The following MARCHF7 variants were observed in gnomAD, a reference collection of about 807,000 sequenced individuals.
MARCHF7 encodes the protein E3 ubiquitin-protein ligase MARCHF7.
MARCHF7 carries 20 observed loss-of-function variants against 76.5 expected under a neutral mutation model. The ratio of observed to expected loss-of-function variants is 0.26; its 90% confidence interval spans 0.18 to 0.38. MARCHF7 has a LOEUF of 0.38. MARCHF7 is among the 10% of genes least tolerant of loss of function. The pLI, the probability that MARCHF7 is intolerant of heterozygous loss-of-function variation, is 1.00. For synonymous variants in MARCHF7, 295 were observed against 293.0 expected (o/e 1.01, Z -0.07); for missense variants, 797 against 812.9 (o/e 0.98, Z 0.24).
In MARCHF7 at chr2:159,747,854, A is replaced by G. The variant is rs1345183686; in HGVS notation, c.564A>G (p.Glu188=). The change falls in exon 7 of 12, where the codon GAA becomes GAG. Residue 188 remains glutamate, a synonymous_variant. Transcript: ENST00000409175. The part of the protein sequence containing the change: ...PSYSQGARPK[E]NSMSTLQLNT... ...ATTCACAAGGAGCAAGACCAAAAGAAAACTCAATGAGCACTTTACAGTTGA... is the reference window on the plus strand; with the variant it reads ...ATTCACAAGGAGCAAGACCAAAAGAGAACTCAATGAGCACTTTACAGTTGA... 1 of 1,610,128 alleles carries G rather than the reference A, an allele frequency of 6.2e-7. No individual in the cohort carries two copies. The highest frequency in any genetic ancestry group is 1.1e-5 in the South Asian group (1 of 89,946).
At chr2:159,763,083 T>C (rs539169804) in intron 10 of MARCHF7, 90 bp downstream of exon 10, 117 of 648,730 alleles carry the variant, frequency 1.8e-4, no homozygotes, top group Non-Finnish European at 2.7e-4. Flanking sequence ...TGACATCTTA[T>C]TTCCTTTGGG....
At chr2:159,744,223 C>T (rs930156331) in intron 5 of MARCHF7, among the ~76,000 whole-genome samples, 1 of 151,792 alleles carries the variant, frequency 6.6e-6, no homozygotes, top group Non-Finnish European at 1.5e-5. Context: ...CTCCTGACCT[C>T]GTGATCCGCC....
chr2:159,738,715 T>C (rs968728416), intron 4 of MARCHF7, among the ~76,000 whole-genome samples: 2 of 152,124 alleles, frequency 1.3e-5, no homozygotes, highest in Admixed American at 1.3e-4. Flanking sequence ...GATTGGTCCA[T>C]GGGAGGCAAT....
chr2:159,746,214 G>A (rs1272904392), intron 6 of MARCHF7, among the ~76,000 whole-genome samples: 2 of 152,040 alleles, frequency 1.3e-5, no homozygotes, highest in Non-Finnish European at 2.9e-5. Flanking sequence ...ATACTAAATC[G>A]TATATCCTCA....
intron 4 of MARCHF7, among the ~76,000 whole-genome samples, chr2:159,742,824 CT>C (rs1183929151): frequency 6.6e-6 from 1 of 152,094 alleles, no homozygotes; most frequent in Non-Finnish European, 1.5e-5. Context: ...GTAATGCCAG[CT>C]ACTCAGGAGG....
At chr2:159,756,736 TAA>T (rs1706376032) in intron 8 of MARCHF7, among the ~76,000 whole-genome samples, 1 of 147,228 alleles carries the variant, frequency 6.8e-6, no homozygotes, top group Admixed American at 6.8e-5. Context: ...GATTCACTCT[TAA>T]AGATTCTTAA....
intron 9 of MARCHF7, among the ~76,000 whole-genome samples, chr2:159,762,678 C>T (rs1707252160): frequency 6.6e-6 from 1 of 152,056 alleles, no homozygotes; most frequent in South Asian, 2.1e-4. Context: ...CTAAAGAAGA[C>T]TATGTGAGAA....
chr2:159,728,523 C>T (rs1702423457), intron 3 of MARCHF7, among the ~76,000 whole-genome samples: 1 of 152,100 alleles, frequency 6.6e-6, no homozygotes, highest in Non-Finnish European at 1.5e-5. Context: ...GAAACATATA[C>T]AGAGAAGAAA....
At chr2:159,737,448 C>T (rs930329718) in intron 4 of MARCHF7, among the ~76,000 whole-genome samples, 1 of 152,100 alleles carries the variant, frequency 6.6e-6, no homozygotes, top group Admixed American at 6.6e-5. Context: ...CAAGTCAGAA[C>T]TACAGTGAGA....
At chr2:159,740,800 C>T (rs1055752076) in intron 4 of MARCHF7, among the ~76,000 whole-genome samples, 2 of 152,180 alleles carry the variant, frequency 1.3e-5, no homozygotes, top group African/African-American at 2.4e-5. Context: ...AGCCTCACAC[C>T]TTCTACTTTA....
At chr2:159,718,525 G>A (rs966834645) in intron 3 of MARCHF7, among the ~76,000 whole-genome samples, 12 of 152,052 alleles carry the variant, frequency 7.9e-5, no homozygotes, top group Admixed American at 3.9e-4. Context: ...ACAGTGATCC[G>A]TAGCATAATG....
At chr2:159,757,254 G>A (rs1706446372) in intron 8 of MARCHF7, among the ~76,000 whole-genome samples, 1 of 152,182 alleles carries the variant, frequency 6.6e-6, no homozygotes, top group Non-Finnish European at 1.5e-5. Context: ...CCAATTGAAT[G>A]TATAGGTCTC....
intron 5 of MARCHF7, among the ~76,000 whole-genome samples, chr2:159,744,522 A>C (rs1704606531): frequency 6.6e-6 from 1 of 152,260 alleles, no homozygotes. Context: ...AATGTTAGCC[A>C]GTGCCAGTGT....
Position 159,745,850 on chromosome 2 carries a change from A to G in MARCHF7, c.427A>G (p.Arg143Gly), listed in dbSNP as rs765485581. Residue 143 changes from arginine (R) to glycine (G), a missense_variant, in exon 6 of 12, where the codon AGG becomes GGG. Physicochemically the swap from Arg to Gly is moderately radical, Grantham distance 125. This residue lies in a region of MARCHF7 where 643 missense variants were observed against 631.5 expected (regional missense o/e 1.02). Transcript: ENST00000409175. ...ATTTGGAACAGACTTAATGAGAGAG[A>G]GGAGAGATTTGGAGAGAAGAACAGA... ...GSFGTDLMRERRDLERRTDSS... is the reference protein window; with the variant it reads ...GSFGTDLMREGRDLERRTDSS... 9 of 1,612,854 alleles carry G rather than the reference A, an allele frequency of 5.6e-6. No individual in the cohort carries two copies.
In MARCHF7 at chr2:159,725,822, C is replaced by G. The variant is rs1477742011; in HGVS notation, c.-14-3187C>G. 2.6e-5 allele frequency among the ~76,000 whole-genome samples: 4 copies of G among 152,248 alleles called. No individual in the cohort carries two copies. In the East Asian group the frequency reaches 7.7e-4, roughly 29 times the overall value. ...GCATTAAAAATTCTGATGAGAAACT[C>G]CTGGTGACTAGCAGCCTTTGTTGTA... On this transcript the variant is annotated intron_variant, in intron 3 of 11. Transcript: ENST00000409175.
chr2:159,747,528 GTTTTAA>G (rs1396666444), intron 6 of MARCHF7, among the ~76,000 whole-genome samples: 1 of 151,762 alleles, frequency 6.6e-6, no homozygotes, highest in Non-Finnish European at 1.5e-5. Context: ...AAATTCAGCT[GTTTTAA>G]TTTTATCAAA....
rs150754727 is a variant in MARCHF7 at position 159,745,028 on chromosome 2, T to C, written c.347-742T>C. On this transcript the variant is annotated intron_variant, in intron 5 of 11. Coordinates refer to ENST00000409175, the MANE Select transcript of MARCHF7 (RefSeq NM_001282805.2). ...AGCAGTAAAAATAATTCTGATGAAATTGTGTTGTTCACATCTTCCCTTTCC... is the reference window on the plus strand; with the variant it reads ...AGCAGTAAAAATAATTCTGATGAAACTGTGTTGTTCACATCTTCCCTTTCC... Among the ~76,000 whole-genome samples the C allele has an allele frequency of 3.6e-3, 548 of 152,296 alleles. 4 individuals carry two copies. Among genetic ancestry groups the C allele is most frequent in the African/African-American group, 0.012 (516 of 41,568 alleles).
At chr2:159,732,637 T>C (rs1056674089) in intron 4 of MARCHF7, among the ~76,000 whole-genome samples, 1 of 152,158 alleles carries the variant, frequency 6.6e-6, no homozygotes, top group African/African-American at 2.4e-5. Context: ...CTCAGCCTCC[T>C]GAGTAGCTGG....
At chr2:159,738,380 A>G (rs10166694) in intron 4 of MARCHF7, among the ~76,000 whole-genome samples, 52,443 of 151,918 alleles carry the variant, frequency 0.35, 9,246 homozygotes, top group South Asian at 0.44. Context: ...GTAGGAAGGG[A>G]TGTTTCAGCA....
Sources: gnomAD v4.1 joint callset for allele counts (sites outside exome capture counted in the v4.1 genomes callset) on GRCh38, gnomAD v4.1.1 for gene constraint, gnomAD v4.1.1 regional missense constraint, MANE v1.5 for transcripts, NCBI Gene and HGNC (gene_info 2026-07-23, HGNC 2026-07-21) for gene names.